The following SLC9D1 variants were observed in gnomAD, a reference collection of about 807,000 sequenced individuals.
The protein encoded by SLC9D1 is solute carrier family 9 member D1.
At chr13:113,503,396 G>A in the SLC9D1 span, 1 of 654,384 alleles carries the variant, frequency 1.5e-6, no homozygotes. Flanking sequence ...TGTGTGTTTT[G>A]GATACTTCCA....
At chr13:113,539,586 ATATT>A in the SLC9D1 span, 1 of 1,412,288 alleles carries the variant, frequency 7.1e-7, no homozygotes, top group Admixed American at 2.0e-5. The surrounding 1 kb of genome is among the most constrained non-coding windows in gnomAD (Gnocchi z 4.8). Context: ...ACGTGCATAT[ATATT>A]TATATAGCAA....
At chr13:113,547,580 CGATT>C in the SLC9D1 span, among the ~76,000 whole-genome samples, 1 of 152,224 alleles carries the variant, frequency 6.6e-6, no homozygotes, top group African/African-American at 2.4e-5. Context: ...TCCATGTGAT[CGATT>C]GTTTCAGAAT....
chr13:113,525,169 A>G, the SLC9D1 span, among the ~76,000 whole-genome samples: 1 of 152,220 alleles, frequency 6.6e-6, no homozygotes, highest in Non-Finnish European at 1.5e-5. Flanking sequence ...CACATGTTAA[A>G]TAGTCACGCG....
chr13:113,517,478 T>C, the SLC9D1 span, among the ~76,000 whole-genome samples: 1 of 152,184 alleles, frequency 6.6e-6, no homozygotes. Flanking sequence ...TCCGCCCGCC[T>C]TGGCCTCCCA....
At chr13:113,541,640 C>G in the SLC9D1 span, among the ~76,000 whole-genome samples, 530 of 140,584 alleles carry the variant, frequency 3.8e-3, no homozygotes, top group African/African-American at 7.9e-3. Context: ...GATTGCTGAT[C>G]ACTGCCATGC....
At chr13:113,534,183 G>C in the SLC9D1 span, 11 of 1,613,864 alleles carry the variant, frequency 6.8e-6, no homozygotes, top group African/African-American at 1.5e-4. Flanking sequence ...TGGAAAGCAA[G>C]GGGAACAAAG....
the SLC9D1 span, among the ~76,000 whole-genome samples, chr13:113,519,455 A>T: frequency 6.6e-6 from 1 of 151,970 alleles, no homozygotes; most frequent in Non-Finnish European, 1.5e-5. Context: ...GGAACTGTAC[A>T]TTGAAAATTG....
At chr13:113,547,017 CCT>C in the SLC9D1 span, 1 of 412,202 alleles carries the variant, frequency 2.4e-6, no homozygotes, top group Non-Finnish European at 4.4e-6. Flanking sequence ...CCGAGTGCCG[CCT>C]CTGTGTGTTT....
chr13:113,500,701 A>G, the SLC9D1 span, among the ~76,000 whole-genome samples: 1 of 152,214 alleles, frequency 6.6e-6, no homozygotes, highest in Non-Finnish European at 1.5e-5. Flanking sequence ...TGACAGGTGC[A>G]GCCCCTCAGG....
chr13:113,501,862 A>G, the SLC9D1 span: 2 of 1,610,782 alleles, frequency 1.2e-6, 1 homozygote, highest in South Asian at 2.2e-5. Flanking sequence ...TGGGACCTTC[A>G]GGACTAAATA....
chr13:113,525,938 C>G, the SLC9D1 span, among the ~76,000 whole-genome samples: 1,982 of 150,776 alleles, frequency 0.013, 54 homozygotes, highest in African/African-American at 0.046. Flanking sequence ...CAGCTCTGTG[C>G]CGGTTATTCT....
the SLC9D1 span, among the ~76,000 whole-genome samples, chr13:113,543,065 G>GCCCCCCGC: frequency 7.1e-5 from 1 of 14,070 alleles, no homozygotes; most frequent in African/African-American, 3.0e-4. Flanking sequence ...TCCTCCCCCT[G>GCCCCCCGC]CCTCCCGCCC....
the SLC9D1 span, among the ~76,000 whole-genome samples, chr13:113,540,658 G>C: frequency 5.9e-3 from 898 of 152,324 alleles, 6 homozygotes; most frequent in African/African-American, 0.021. Context: ...TCCATAGTTT[G>C]CAAGTATTCT....
the SLC9D1 span, among the ~76,000 whole-genome samples, chr13:113,533,240 GATCCCTTCATTCCATCCCTTCATTCC>G: frequency 0.37 from 54,047 of 147,816 alleles, 11,423 homozygotes; most frequent in African/African-American, 0.56. Flanking sequence ...GGCCGTTGTT[GATCCCTTCATTCCATCCCTTCATTCC>G]ATCCCTTCAT....
At chr13:113,510,242 G>A in the SLC9D1 span, 4 of 1,614,024 alleles carry the variant, frequency 2.5e-6, no homozygotes, top group East Asian at 8.9e-5. Flanking sequence ...TTTAAGGTGT[G>A]GAAGATTTCC....
chr13:113,506,769 A>G, the SLC9D1 span, among the ~76,000 whole-genome samples: 1 of 152,036 alleles, frequency 6.6e-6, no homozygotes, highest in Non-Finnish European at 1.5e-5. Context: ...CATAGTTTGT[A>G]TTTTTCTCCA....
the SLC9D1 span, among the ~76,000 whole-genome samples, chr13:113,507,893 C>T: frequency 9.9e-5 from 15 of 152,230 alleles, no homozygotes; most frequent in East Asian, 1.9e-4. Flanking sequence ...TGTGTCTTGG[C>T]GCCGGGGGTG....
At chr13:113,538,558 G>C in the SLC9D1 span, among the ~76,000 whole-genome samples, 1 of 152,254 alleles carries the variant, frequency 6.6e-6, no homozygotes, top group South Asian at 2.1e-4. Context: ...TGAGCCCTTG[G>C]CGCTGTCATC....
the SLC9D1 span, among the ~76,000 whole-genome samples, chr13:113,493,756 A>T: frequency 6.6e-6 from 1 of 152,220 alleles, no homozygotes; most frequent in Non-Finnish European, 1.5e-5. Context: ...ACCAGAATAT[A>T]GTCTTTTCTT....
Sources: gnomAD v4.1 joint callset for allele counts (sites outside exome capture counted in the v4.1 genomes callset) on GRCh38, gnomAD v4.1.1 for gene constraint, Gnocchi (gnomAD v3.1) non-coding constraint, MANE v1.5 for transcripts, NCBI Gene and HGNC (gene_info 2026-07-23, HGNC 2026-07-21) for gene names.